The following LARGE1 variants were observed in gnomAD, a reference collection of about 807,000 sequenced individuals.
LARGE1 encodes xylosyl- and glucuronyltransferase LARGE1.
A neutral mutation model predicts 87.6 loss-of-function variants in LARGE1; 43 were observed. The ratio of observed to expected loss-of-function variants is 0.49; its 90% CI spans 0.38 to 0.63. The LOEUF (loss-of-function observed/expected upper bound fraction) is 0.63, where lower values mean the gene tolerates loss of function less well. Ranked by LOEUF, LARGE1 falls within the 30% of genes least tolerant of loss-of-function variation. The pLI is 0.00. For synonymous variants in LARGE1, 434 were observed against 394.6 expected (o/e 1.10, Z -1.18); for missense variants, 802 against 1,000.2 (o/e 0.80, Z 2.67).
At chr22:33,294,223 C>T (rs748979894) in intron 12 of LARGE1, among the ~76,000 whole-genome samples, 3 of 152,210 alleles carry the variant, frequency 2.0e-5, no homozygotes, top group Non-Finnish European at 4.4e-5. Flanking sequence ...TGGCTGAGGC[C>T]AATGCTGACA....
chr22:33,657,178 A>G (rs1466173840), intron 2 of LARGE1: 2 of 152,234 alleles, frequency 1.3e-5, no homozygotes, highest in African/African-American at 4.8e-5. Flanking sequence ...AGATCTCTCT[A>G]GTCTAGGAAA....
rs576665786 is a variant in LARGE1 at position 33,876,179 on chromosome 22, C to G, written c.-83+43816G>C. Among the ~76,000 whole-genome samples the G allele has an allele frequency of 5.3e-5, 8 of 152,248 alleles. No individual in the cohort carries two copies. The South Asian group carries it at 1.7e-3, about 32-fold the overall frequency. On this transcript the variant is annotated intron_variant, in intron 1 of 14. Transcript: ENST00000397394. The stretch of plus-strand genomic sequence containing the variant: ...TGTGGGCACAGTTTATCATCTGTAC[C>G]ATGAACACGGGAACCAGGTTAGAAC...
At chr22:33,852,263 A>T (rs568963566) in intron 1 of LARGE1, among the ~76,000 whole-genome samples, 1 of 152,320 alleles carries the variant, frequency 6.6e-6, no homozygotes, top group East Asian at 1.9e-4. Flanking sequence ...TGGAGCTACA[A>T]AAAGAGGCCT....
intron 12 of LARGE1, among the ~76,000 whole-genome samples, chr22:33,295,039 G>T (rs1933043072): frequency 6.6e-6 from 1 of 152,156 alleles, no homozygotes; most frequent in Admixed American, 6.5e-5. Flanking sequence ...GATAACATTT[G>T]CCCAGGGCCT....
intron 6 of LARGE1, among the ~76,000 whole-genome samples, chr22:33,468,711 T>C (rs2068713105): frequency 6.6e-6 from 1 of 152,180 alleles, no homozygotes; most frequent in South Asian, 2.1e-4. Context: ...GTTGACAGTT[T>C]AAGCTACTTG....
intron 2 of LARGE1, among the ~76,000 whole-genome samples, chr22:33,714,734 G>A (rs780961688): frequency 2.0e-5 from 3 of 152,158 alleles, no homozygotes; most frequent in Non-Finnish European, 4.4e-5. Flanking sequence ...AGGTACTTGC[G>A]TGAAAGAACA....
At chr22:33,235,145 T>C (rs1292357231) in intron 11 of LARGE1, among the ~76,000 whole-genome samples, 1 of 152,222 alleles carries the variant, frequency 6.6e-6, no homozygotes, top group Non-Finnish European at 1.5e-5. Flanking sequence ...CAACTATGTG[T>C]TCAACACTGT....
upstream of LARGE1, among the ~76,000 whole-genome samples, chr22:33,921,038 G>C (rs921222086): frequency 2.7e-5 from 4 of 150,194 alleles, no homozygotes; most frequent in African/African-American, 9.7e-5. The surrounding 1 kb of genome is among the most constrained non-coding windows in gnomAD (Gnocchi z 4.1). Flanking sequence ...TGTGCAGCCG[G>C]GGGGGACCGC....
At chr22:33,577,963 C>A (rs1279702262) in intron 5 of LARGE1, among the ~76,000 whole-genome samples, 1 of 152,194 alleles carries the variant, frequency 6.6e-6, no homozygotes, top group Non-Finnish European at 1.5e-5. Context: ...TCACTGGTCA[C>A]CCTGAAAAGA....
At chr22:33,615,917 A>C (rs2079568189) in intron 4 of LARGE1, among the ~76,000 whole-genome samples, 1 of 152,220 alleles carries the variant, frequency 6.6e-6, no homozygotes, top group African/African-American at 2.4e-5. Context: ...ACACGAAAAG[A>C]CATTCAATAT....
chr22:33,462,111 A>T (rs556250053), intron 6 of LARGE1, among the ~76,000 whole-genome samples: 1 of 152,358 alleles, frequency 6.6e-6, no homozygotes, highest in Non-Finnish European at 1.5e-5. Context: ...ATGATAAAAG[A>T]ACAAGAAAAC....
intron 1 of LARGE1, among the ~76,000 whole-genome samples, chr22:33,776,592 T>C (rs2085246138): frequency 6.6e-6 from 1 of 152,184 alleles, no homozygotes; most frequent in Non-Finnish European, 1.5e-5. Context: ...ATTTCGATCT[T>C]TGTTCTTCCG....
In LARGE1 at chr22:33,458,832, A is replaced by G. The variant is rs74447453; in HGVS notation, c.788-26567T>C. On this transcript the variant is annotated intron_variant, in intron 6 of 14. Transcript: ENST00000397394. ...TTGAATGCAGAGGTGAGCAGGCATT[A>G]CATATGCTAAACACGAGAACATGAA... 4.7e-3 allele frequency among the ~76,000 whole-genome samples: 716 copies of G among 152,318 alleles called. 5 individuals carry two copies. Among genetic ancestry groups the G allele is most frequent in the African/African-American group, 0.016 (675 of 41,574 alleles).
intron 12 of LARGE1, among the ~76,000 whole-genome samples, chr22:33,292,953 T>TA (rs1932801130): frequency 6.6e-6 from 1 of 152,204 alleles, no homozygotes; most frequent in African/African-American, 2.4e-5. Context: ...CATCAATTAA[T>TA]GAATATTAAT....
the LARGE1 span, among the ~76,000 whole-genome samples, chr22:33,089,476 C>CTTCCTCTTCCTCTTCTTCTTCT: frequency 8.5e-3 from 775 of 90,694 alleles, 9 homozygotes; most frequent in African/African-American, 0.032. Flanking sequence ...CTTCTTCTTC[C>CTTCCTCTTCCTCTTCTTCTTCT]TCTTCCTCTT....
At chr22:33,643,628 G>A (rs1043367252) in intron 3 of LARGE1, among the ~76,000 whole-genome samples, 11 of 152,104 alleles carry the variant, frequency 7.2e-5, no homozygotes, top group African/African-American at 2.7e-4. Context: ...CCAGGAGTTG[G>A]TCTTTTGAAA....
rs143800779 is a variant in LARGE1, at chr22:33,505,259, G to A, written c.787+59589C>T. 5.9e-5 allele frequency among the ~76,000 whole-genome samples: 9 copies of A among 152,372 alleles called. No individual in the cohort carries two copies. The East Asian group carries it at 1.7e-3, about 29-fold the overall frequency. ...TGGAATAGAGCGGCCTGCTAGAGCA[G>A]ACATCCATCCTGTAGCCTCTGCAGA... On this transcript the variant is annotated intron_variant, in intron 6 of 14. Transcript: ENST00000397394.
intron 1 of LARGE1, among the ~76,000 whole-genome samples, chr22:33,893,049 G>A (rs183158218): frequency 2.2e-3 from 331 of 152,306 alleles, no homozygotes; most frequent in Non-Finnish European, 3.5e-3. Context: ...CTGAGACTAG[G>A]GGTTCAGCAG....
chr22:33,396,541 C>T (rs2065753402), intron 7 of LARGE1, among the ~76,000 whole-genome samples: 1 of 146,458 alleles, frequency 6.8e-6, no homozygotes, highest in Admixed American at 6.8e-5. Flanking sequence ...GAAATCCTTC[C>T]ATCTCAAACC....
Sources: gnomAD v4.1 joint callset for allele counts (sites outside exome capture counted in the v4.1 genomes callset) on GRCh38, gnomAD v4.1.1 for gene constraint, Gnocchi (gnomAD v3.1) non-coding constraint, MANE v1.5 for transcripts, NCBI Gene and HGNC (gene_info 2026-07-23, HGNC 2026-07-21) for gene names.